Variants in HEATR9 observed in about 807,000 individuals in gnomAD.
HEATR9 encodes protein HEATR9.
HEATR9 carries 54 observed loss-of-function variants against 68.2 expected under a neutral mutation model. The ratio of observed to expected loss-of-function variants is 0.79; its 90% CI spans 0.64 to 0.99. The LOEUF (loss-of-function observed/expected upper bound fraction) is 0.99. Ranked by LOEUF, HEATR9 falls within the 50% of genes least tolerant of loss-of-function variation. HEATR9 has a pLI of 0.00. For synonymous variants in HEATR9, 241 were observed against 253.5 expected, an observed-to-expected ratio of 0.95 and a Z score of 0.47; for missense variants, 662 against 679.7, an observed-to-expected ratio of 0.97 and a Z score of 0.29.
At chr17:35,861,447 A>G (rs2087988634) in intron 8 of HEATR9, 2 of 1,598,208 alleles carry the variant, frequency 1.3e-6, no homozygotes, top group Non-Finnish European at 1.7e-6. Context: ...GCTTCTTTTT[A>G]AAGTTTCTAT....
rs376650171 is a variant in HEATR9 at position 35,855,344 on chromosome 17, C to A, written c.1432G>T (p.Val478Phe). Reference sequence around the variant, plus strand: ...TTAGGTGCCTCATATACAGAGAGAACCTTGTTTTTCAGCTTGTTTTGGATC... The same window carrying A: ...TTAGGTGCCTCATATACAGAGAGAAACTTGTTTTTCAGCTTGTTTTGGATC... Reference protein sequence around the residue: ...PWIQNKLKNKVLSVYEAPKTN... With the variant: ...PWIQNKLKNKFLSVYEAPKTN... Residue 478 changes from valine to phenylalanine, a missense_variant, in exon 15 of 15, where the codon GTT (valine) becomes TTT (phenylalanine). By Grantham distance (50) the Val-to-Phe change is conservative. Coordinates refer to ENST00000604834, the MANE Select transcript of HEATR9 (RefSeq NM_152781.4). 9.9e-6 allele frequency: 16 copies of A among 1,614,014 alleles called. No individual in the cohort carries two copies. The highest frequency in any genetic ancestry group is 8.3e-5 in the Admixed American group (5 of 59,994).
In HEATR9 at chr17:35,855,374, G is replaced by T; in HGVS notation, c.1402C>A (p.Pro468Thr). 6.2e-7 allele frequency: 1 copy of T among 1,613,942 alleles called. No individual in the cohort carries two copies. Among genetic ancestry groups the T allele is most frequent in the Non-Finnish European group, 8.5e-7 (1 of 1,179,922 alleles). ...ETLILCASID[P>T]WIQNKLKNKV... ...TTTTTCAGCTTGTTTTGGATCCAGG[G>T]ATCAATTGAGGCACAAAGGATTAAT... The change falls in exon 15 of 15, where the codon CCC becomes ACC. Residue 468 changes from proline (P) to threonine (T), a missense_variant. Physicochemically the swap from Pro to Thr is conservative, Grantham distance 38. Coordinates refer to ENST00000604834, the MANE Select transcript of HEATR9 (RefSeq NM_152781.4).
intron 12 of HEATR9, 56 bp downstream of exon 12, chr17:35,856,676 C>T (rs1454303313): frequency 8.8e-6 from 13 of 1,477,824 alleles, no homozygotes; most frequent in Non-Finnish European, 1.2e-5. Flanking sequence ...CTCACTGACC[C>T]TCTGCCCCCT....
At chr17:35,863,742 G>A (rs1482501864) in intron 6 of HEATR9, 183 bp from the exon 7 acceptor site, 1 of 650,306 alleles carries the variant, frequency 1.5e-6, no homozygotes, top group African/African-American at 1.8e-5. Flanking sequence ...ATACAGTTGG[G>A]AGTTAGATGT....
rs1206138871 is a variant in HEATR9, at chr17:35,858,189, G to T, written c.1152+11C>A. 1.2e-6 allele frequency: 2 copies of T among 1,614,010 alleles called. No individual in the cohort carries two copies. Among genetic ancestry groups the T allele is most frequent in the African/African-American group, 2.7e-5 (2 of 74,910 alleles). On this transcript the variant is annotated intron_variant, in intron 11 of 14. Transcript: ENST00000604834. Reference sequence around the variant, plus strand: ...GGTGTCTCTGGGCTTGGGAGCTTTGGTCTCACTTACAAGGAAGGGTTCATT... The same window carrying T: ...GGTGTCTCTGGGCTTGGGAGCTTTGTTCTCACTTACAAGGAAGGGTTCATT...
chr17:35,863,017 C>T lies in HEATR9; in HGVS notation c.734G>A (p.Trp245Ter). 2 of 1,614,204 alleles carry T rather than the reference C, an allele frequency of 1.2e-6. No individual in the cohort carries two copies. Among genetic ancestry groups the T allele is most frequent in the African/African-American group, 1.3e-5 (1 of 75,046 alleles). ...CACCTTGTCTTTAGAGACAGCAGCC[C>T]AGGAGTTAAGAGCCATTCGTAGCCC... is the stretch of plus-strand genomic sequence containing the variant. ...LTGLRMALNS[W>*]AAVSKDKRTQ... Residue 245 changes from tryptophan to a stop codon, truncating the protein, a stop_gained, in exon 8 of 15, where the codon TGG (tryptophan) becomes TAG (stop). Transcript: ENST00000604834. LOFTEE classifies it high-confidence loss of function.
chr17:35,866,273 A>G (rs1407241712), intron 2 of HEATR9, among the ~76,000 whole-genome samples: 1 of 152,158 alleles, frequency 6.6e-6, no homozygotes, highest in Non-Finnish European at 1.5e-5. Flanking sequence ...AAACAAAAAA[A>G]TACAAGGATG....
intron 12 of HEATR9, chr17:35,856,432 G>C (rs1296361807): frequency 7.4e-7 from 1 of 1,352,442 alleles, no homozygotes; most frequent in Middle Eastern, 1.8e-4. Flanking sequence ...TGATGATCAG[G>C]ACTGTCCAGA....
Position 35,865,485 on chromosome 17 carries a change from G to C in HEATR9, c.139-89C>G. 6 of 944,940 alleles carry C rather than the reference G, an allele frequency of 6.3e-6. No individual in the cohort carries two copies. The South Asian group carries it at 8.0e-5, about 13-fold the overall frequency. 58.5% of individuals were successfully genotyped at this position (944,940 alleles called of 1,614,324 possible). A position where few individuals can be genotyped will look rare whatever the true frequency, so the allele number is the denominator to read the frequency against. ...GGGAGGAGGGGGTAAAGGGAGGGAA[G>C]GGCAGGGTGAAACAGATGCCCTCTA... On this transcript the variant is annotated intron_variant, in intron 2 of 14. Coordinates refer to ENST00000604834, the MANE Select transcript of HEATR9 (RefSeq NM_152781.4).
At chr17:35,864,012 C>G in intron 6 of HEATR9, 1 of 572,982 alleles carries the variant, frequency 1.7e-6, no homozygotes, top group South Asian at 2.3e-5. Context: ...AGTCCAATGT[C>G]TTTTCGGTTA....
intron 1 of HEATR9, among the ~76,000 whole-genome samples, chr17:35,867,192 G>A (rs758150083): frequency 3.9e-5 from 6 of 152,082 alleles, no homozygotes; most frequent in African/African-American, 1.4e-4. Context: ...CCCGGGAGGC[G>A]GAGCCTGCTG....
rs2088163410 is a variant in HEATR9, at chr17:35,865,363, A to G, written c.172T>C (p.Cys58Arg). 2 of 1,613,140 alleles carry G rather than the reference A, an allele frequency of 1.2e-6. No individual in the cohort carries two copies. Among genetic ancestry groups the G allele is most frequent in the South Asian group, 1.1e-5 (1 of 91,032 alleles). ...GGCTTGCTCGGATGCTGCCTCCAGC[A>G]CTCTGGACTTGGGGGAAACTCTTCC... ...PKEEFPPSPE[C>R]WRQHPSKPNS... Residue 58 changes from cysteine (C) to arginine (R), a missense_variant, in exon 3 of 15, where the codon TGC (cysteine) becomes CGC (arginine). Physicochemically the swap from Cys to Arg is radical, Grantham distance 180. Coordinates refer to ENST00000604834, the MANE Select transcript of HEATR9 (RefSeq NM_152781.4).
chr17:35,858,274 G>A lies in HEATR9; in HGVS notation c.1078C>T (p.Gln360Ter). 6.2e-7 allele frequency: 1 copy of A among 1,614,198 alleles called. No homozygotes were observed. Among genetic ancestry groups the A allele is most frequent in the South Asian group, 1.1e-5 (1 of 91,080 alleles). ...TQMLKTIGLE[Q>*]IQAQGLEELT... ...TCCTCTAGCCCCTGTGCCTGGATCT[G>A]TTCCAGCCCAATGGTCTTGAGCATT... Residue 360 changes from glutamine (Q) to a stop codon, truncating the protein, a stop_gained, in exon 11 of 15, where the codon CAG (glutamine) becomes TAG (stop). Coordinates refer to ENST00000604834, the MANE Select transcript of HEATR9 (RefSeq NM_152781.4). LOFTEE classifies it high-confidence loss of function.
chr17:35,861,465 A>T lies in HEATR9; in HGVS notation c.756+1530T>A. ...TCTTTTTAAAGTTTCTATGACACTT[A>T]GATTTACAAAATCTGAACACCTTGC... On this transcript the variant is annotated intron_variant, in intron 8 of 14. Coordinates refer to ENST00000604834, the MANE Select transcript of HEATR9 (RefSeq NM_152781.4). 2 of 1,528,604 alleles carry T rather than the reference A, an allele frequency of 1.3e-6. 1 individual carries two copies. The highest frequency in any genetic ancestry group is 1.8e-6 in the Non-Finnish European group (2 of 1,109,184). The allele number at this position is 1,528,604 out of a possible 1,614,324, so 94.7% of individuals were successfully genotyped here. A position where few individuals can be genotyped will look rare whatever the true frequency, so the allele number is the denominator to read the frequency against.
intron 1 of HEATR9, among the ~76,000 whole-genome samples, chr17:35,868,096 T>G (rs573479314): frequency 1.8e-4 from 27 of 152,324 alleles, no homozygotes; most frequent in African/African-American, 6.3e-4. Flanking sequence ...TTTGCATTTC[T>G]AACAAGATGC....
chr17:35,866,519 C>G (rs796476969), intron 2 of HEATR9, among the ~76,000 whole-genome samples: 9 of 152,290 alleles, frequency 5.9e-5, no homozygotes, highest in African/African-American at 2.2e-4. Flanking sequence ...AACAACTCTA[C>G]AAAGGGAGGT....
At chr17:35,865,654 G>A (rs985807994) in intron 2 of HEATR9, among the ~76,000 whole-genome samples, 2 of 152,164 alleles carry the variant, frequency 1.3e-5, no homozygotes, top group Admixed American at 6.5e-5. Context: ...CAAGGTTGTT[G>A]TAAAGATCAA....
intron 9 of HEATR9, 81 bp from the exon 10 acceptor site, chr17:35,858,606 G>A (rs12944206): frequency 7.8e-7 from 1 of 1,285,012 alleles, no homozygotes; most frequent in Non-Finnish European, 1.1e-6. Flanking sequence ...TCTGAGCCTA[G>A]AACTGGTGAG....
At chr17:35,868,356 G>C (rs114330588) in intron 1 of HEATR9, among the ~76,000 whole-genome samples, 61 of 152,292 alleles carry the variant, frequency 4.0e-4, no homozygotes, top group African/African-American at 1.5e-3. Context: ...TAGACACAGG[G>C]AACACCCTAT....
Sources: allele counts gnomAD v4.1 joint callset (sites outside exome capture counted in the v4.1 genomes callset), GRCh38; gene constraint gnomAD v4.1.1; transcripts MANE v1.5; gene names NCBI Gene and HGNC (gene_info 2026-07-23, HGNC 2026-07-21).